Variants in CNTNAP2 observed in about 807,000 individuals in gnomAD.
CNTNAP2 encodes the protein contactin-associated protein-like 2.
Under a neutral mutation model 155.2 loss-of-function variants are expected in CNTNAP2, and 98 were observed. That is an observed-to-expected ratio of 0.63 (90% confidence interval 0.54 to 0.75). The LOEUF is 0.75. Among genes scored for constraint, CNTNAP2 ranks in the 30% least tolerant of loss-of-function variants. CNTNAP2 has a pLI of 0.00. For missense variants in CNTNAP2, 1,727 were observed against 1,688.1 expected (o/e 1.02, Z -0.40); for synonymous variants, 651 against 631.2 (o/e 1.03, Z -0.47).
At chr7:147,628,449 A>G (rs1355246846) in intron 12 of CNTNAP2, among the ~76,000 whole-genome samples, 6 of 152,198 alleles carry the variant, frequency 3.9e-5, no homozygotes, top group African/African-American at 1.4e-4. Flanking sequence ...ATTTGCCACA[A>G]CTAAGCCAGC....
intron 15 of CNTNAP2, among the ~76,000 whole-genome samples, chr7:148,049,841 G>A (rs1802852212): frequency 6.6e-6 from 1 of 152,150 alleles, no homozygotes; most frequent in African/African-American, 2.4e-5. Flanking sequence ...TCATTCAAGT[G>A]TATTCCTTCT....
intron 2 of CNTNAP2, among the ~76,000 whole-genome samples, chr7:146,790,801 C>T (rs1802658067): frequency 6.6e-6 from 1 of 151,874 alleles, no homozygotes. Flanking sequence ...AATCTCCTGA[C>T]CTTGTGATCC....
intron 1 of CNTNAP2, among the ~76,000 whole-genome samples, chr7:146,622,170 C>T (rs150359413): frequency 1.4e-5 from 2 of 147,452 alleles, no homozygotes; most frequent in East Asian, 2.0e-4. Flanking sequence ...TATACACACA[C>T]GTATATATAT....
chr7:147,674,393 T>G lies in CNTNAP2; in HGVS notation c.2098+35087T>G, dbSNP rs528841583. ...TTTAAGATTTACAAACCACTTCATT[T>G]GCAAACTGCTATTACTATAGTTTCT... On this transcript the variant is annotated intron_variant, in intron 13 of 23. Coordinates refer to ENST00000361727, the MANE Select transcript of CNTNAP2 (RefSeq NM_014141.6). 6.6e-5 allele frequency among the ~76,000 whole-genome samples: 10 copies of G among 152,306 alleles called. No homozygotes were observed. In the South Asian group the frequency reaches 2.1e-3, roughly 32 times the overall value.
At chr7:147,935,723 T>C (rs1162425275) in intron 14 of CNTNAP2, among the ~76,000 whole-genome samples, 7 of 152,218 alleles carry the variant, frequency 4.6e-5, no homozygotes, top group African/African-American at 1.7e-4. Flanking sequence ...AATTTAGGAC[T>C]GAAAGGTGAG....
At chr7:146,370,465 A>G (rs569843632) in intron 1 of CNTNAP2, among the ~76,000 whole-genome samples, 1 of 151,434 alleles carries the variant, frequency 6.6e-6, no homozygotes, top group South Asian at 2.1e-4. Context: ...AAAAAAAAAC[A>G]TTTTTCCTTA....
At position 146,760,409 on chromosome 7, in the gene CNTNAP2, C is replaced by CTTTTTTTTTTTTTTTTTTTT. The variant is rs532820418; in HGVS notation, c.98-13848_98-13829dup. On this transcript the variant is annotated intron_variant, in intron 1 of 23. Coordinates refer to ENST00000361727, the MANE Select transcript of CNTNAP2 (RefSeq NM_014141.6). ...CACCTCTGTATCATCTCCAATTTAC[C>CTTTTTTTTTTTTTTTTTTTT]TTTTTTTTTTTTTTTTTTTTTTTTT... Among the ~76,000 whole-genome samples, 56 of 56,294 alleles carry CTTTTTTTTTTTTTTTTTTTT rather than the reference C, an allele frequency of 9.9e-4. 10 individuals are homozygous for CTTTTTTTTTTTTTTTTTTTT. Among genetic ancestry groups the CTTTTTTTTTTTTTTTTTTTT allele is most frequent in the African/African-American group, 1.6e-3 (19 of 11,804 alleles). The allele number at this position is 56,294 out of a possible 152,430, so 36.9% of individuals were successfully genotyped here. A position where few individuals can be genotyped will look rare whatever the true frequency, so the allele number is the denominator to read the frequency against.
chr7:147,830,593 T>G (rs1390242179), intron 13 of CNTNAP2, among the ~76,000 whole-genome samples: 1 of 152,154 alleles, frequency 6.6e-6, no homozygotes, highest in African/African-American at 2.4e-5. Context: ...TGCTTTAACT[T>G]TGGAGCAAAA....
At chr7:147,631,900 G>T (rs1050062223) in intron 12 of CNTNAP2, among the ~76,000 whole-genome samples, 4 of 152,064 alleles carry the variant, frequency 2.6e-5, no homozygotes, top group African/African-American at 4.8e-5. Flanking sequence ...CATCAGGAAA[G>T]TTCTTCTAGA....
At chr7:146,615,946 C>G (rs1799216988) in intron 1 of CNTNAP2, among the ~76,000 whole-genome samples, 1 of 152,200 alleles carries the variant, frequency 6.6e-6, no homozygotes, top group African/African-American at 2.4e-5. Context: ...TATTAATACT[C>G]ACGTATTTGC....
chr7:147,738,300 C>A (rs1487762843), intron 13 of CNTNAP2, among the ~76,000 whole-genome samples: 1 of 152,006 alleles, frequency 6.6e-6, no homozygotes, highest in African/African-American at 2.4e-5. Flanking sequence ...AGGACTGACT[C>A]CAATTTTGAA....
intron 10 of CNTNAP2, among the ~76,000 whole-genome samples, chr7:147,428,782 G>A (rs1301564624): frequency 1.3e-5 from 2 of 152,084 alleles, no homozygotes; most frequent in Non-Finnish European, 2.9e-5. Context: ...TTTTGTTGCT[G>A]TTGTTTTATT....
At chr7:147,523,475 C>A (rs894877796) in intron 11 of CNTNAP2, among the ~76,000 whole-genome samples, 11 of 152,190 alleles carry the variant, frequency 7.2e-5, no homozygotes, top group African/African-American at 2.4e-4. Flanking sequence ...GGCATGAATA[C>A]CAGGAGTTGG....
chr7:147,784,016 C>T (rs1797695760), intron 13 of CNTNAP2, among the ~76,000 whole-genome samples: 1 of 152,100 alleles, frequency 6.6e-6, no homozygotes, highest in Non-Finnish European at 1.5e-5. Flanking sequence ...TCTCCTGGCT[C>T]CTGGTTTGCT....
intron 1 of CNTNAP2, among the ~76,000 whole-genome samples, chr7:146,501,747 G>T (rs1472253421): frequency 2.0e-5 from 3 of 152,034 alleles, no homozygotes; most frequent in Non-Finnish European, 4.4e-5. Context: ...GATTATGAAT[G>T]AGATTATCCT....
chr7:146,164,938 G>A (rs923379107), intron 1 of CNTNAP2, among the ~76,000 whole-genome samples: 2 of 152,090 alleles, frequency 1.3e-5, no homozygotes, highest in Middle Eastern at 3.2e-3. Flanking sequence ...TTTATGTGAA[G>A]TGTGTGTGTG....
intron 1 of CNTNAP2, among the ~76,000 whole-genome samples, chr7:146,721,796 A>ATATTCTATATATAGTCTACATATG (rs1563204042): frequency 1.6e-5 from 2 of 123,614 alleles, no homozygotes; most frequent in African/African-American, 7.0e-5. Context: ...GTCTACATAT[A>ATATTCTATATATAGTCTACATATG]TAGACTATAT....
At chr7:147,573,466 C>T (rs936948297) in intron 12 of CNTNAP2, among the ~76,000 whole-genome samples, 6 of 152,082 alleles carry the variant, frequency 3.9e-5, no homozygotes, top group African/African-American at 7.2e-5. Flanking sequence ...TCACTGGACC[C>T]CTATTTGTCC....
intron 21 of CNTNAP2, among the ~76,000 whole-genome samples, chr7:148,313,194 G>A (rs1797626280): frequency 1.3e-5 from 2 of 151,034 alleles, no homozygotes; most frequent in African/African-American, 4.9e-5. Flanking sequence ...AAGGTAATGT[G>A]GAGTGGGTAG....
Sources: allele counts gnomAD v4.1 joint callset (sites outside exome capture counted in the v4.1 genomes callset), GRCh38; gene constraint gnomAD v4.1.1; transcripts MANE v1.5; gene names NCBI Gene and HGNC (gene_info 2026-07-23, HGNC 2026-07-21).